PRTG: variants seen among roughly 807,000 people sequenced by gnomAD.
The protein encoded by PRTG is protogenin, also known as immunoglobulin superfamily, DCC subclass, member 5.
Under a neutral mutation model 122.5 loss-of-function variants are expected in PRTG, and 67 were observed. That is an observed-to-expected ratio of 0.55 (90% CI 0.45 to 0.67). The LOEUF (loss-of-function observed/expected upper bound fraction) is 0.67. Ranked by LOEUF, PRTG falls within the 30% of genes least tolerant of loss-of-function variation. PRTG has a pLI of 0.00. For synonymous variants in PRTG, 554 were observed against 501.1 expected (o/e 1.11, Z -1.41); for missense variants, 1,435 against 1,415.4 (o/e 1.01, Z -0.22).
chr15:55,701,233 T>C (rs2141840835), intron 2 of PRTG, among the ~76,000 whole-genome samples: 1 of 152,192 alleles, frequency 6.6e-6, no homozygotes, highest in South Asian at 2.1e-4. Flanking sequence ...AACACATACT[T>C]GCTATAAGAC....
intron 2 of PRTG, among the ~76,000 whole-genome samples, chr15:55,708,207 G>A (rs1300327921): frequency 1.4e-5 from 2 of 144,888 alleles, no homozygotes; most frequent in Non-Finnish European, 3.0e-5. Flanking sequence ...GAGAAAGGCG[G>A]GAAAGAGAAA....
intron 15 of PRTG, 138 bp downstream of exon 15, chr15:55,637,032 T>C (rs2141730207): frequency 1.4e-6 from 1 of 717,868 alleles, no homozygotes; most frequent in Non-Finnish European, 2.1e-6. Context: ...CCGATGCCCT[T>C]TGAACAAAGC....
intron 11 of PRTG, among the ~76,000 whole-genome samples, chr15:55,658,722 G>A (rs1244137009): frequency 6.6e-6 from 1 of 152,134 alleles, no homozygotes; most frequent in Non-Finnish European, 1.5e-5. Flanking sequence ...ATTACCCCTA[G>A]AAAAGTTGTA....
intron 2 of PRTG, among the ~76,000 whole-genome samples, chr15:55,705,194 A>C (rs1216109176): frequency 1.3e-5 from 2 of 152,198 alleles, no homozygotes; most frequent in African/African-American, 4.8e-5. Flanking sequence ...CCCTAGAGAC[A>C]AAACATCCAC....
chr15:55,612,697 A>ATATATATATATAT lies in PRTG; in HGVS notation c.*7314_*7315insATATATATATATA, dbSNP rs2059125551. ...TTCTCTCTTTAACTCTTTAAAAGCCAATATATATATATATATATATATATA... is the reference window on the plus strand; with the variant it reads ...TTCTCTCTTTAACTCTTTAAAAGCCATATATATATATATATATATATATATATATATATATATA... On this transcript the variant is annotated 3_prime_UTR_variant, in exon 20 of 20. Transcript: ENST00000389286. The ATATATATATATAT allele has an allele frequency of 7.5e-5, 9 of 120,744 alleles. 1 individual carries two copies. Among genetic ancestry groups the ATATATATATATAT allele is most frequent in the African/African-American group, 3.7e-4 (8 of 21,348 alleles). 7.5% of individuals were successfully genotyped at this position (120,744 alleles called of 1,614,324 possible).
Position 55,627,111 on chromosome 15 carries a change from G to A in PRTG, c.2824C>T (p.His942Tyr). ...CCAGTCATTGATTTTTGGTCCAGAT[G>A]GTAATATCCTGAATAAACTAGAAGG... Reference protein sequence around the residue: ...ADAKVYSGYYHLDQKSMTGIA... With the variant: ...ADAKVYSGYYYLDQKSMTGIA... The change falls in exon 17 of 20, where the codon CAT becomes TAT. Residue 942 changes from histidine (H) to tyrosine (Y), a missense_variant. Coordinates refer to ENST00000389286, the MANE Select transcript of PRTG (RefSeq NM_173814.6). 4.4e-6 allele frequency: 7 copies of A among 1,598,898 alleles called. No homozygotes were observed. Among genetic ancestry groups the A allele is most frequent in the Non-Finnish European group, 6.0e-6 (7 of 1,168,242 alleles).
chr15:55,635,333 G>A lies in PRTG; in HGVS notation c.2623+1837C>T, dbSNP rs1049156781. Reference sequence around the variant, plus strand: ...TCTTGAACTTCTGACCTCGTGATCCGTCTGCCTCAGCCTCCCAAAGTGCTG... The same window carrying A: ...TCTTGAACTTCTGACCTCGTGATCCATCTGCCTCAGCCTCCCAAAGTGCTG... On this transcript the variant is annotated intron_variant, in intron 15 of 19. Coordinates refer to ENST00000389286, the MANE Select transcript of PRTG (RefSeq NM_173814.6). Among the ~76,000 whole-genome samples the A allele has an allele frequency of 3.3e-5, 5 of 152,018 alleles. 1 individual carries two copies. Among genetic ancestry groups the A allele is most frequent in the Admixed American group, 6.6e-5 (1 of 15,242 alleles).
chr15:55,734,061 G>C (rs1262201252), intron 2 of PRTG, among the ~76,000 whole-genome samples: 15 of 152,164 alleles, frequency 9.9e-5, no homozygotes, highest in African/African-American at 3.6e-4. Context: ...GTCACAACTG[G>C]AAGAGAGTCT....
At position 55,680,593 on chromosome 15, in the gene PRTG, TA is replaced by T; in HGVS notation, c.711del (p.Ile238Ter). The T allele has an allele frequency of 1.3e-6, 2 of 1,574,554 alleles. No homozygotes were observed. The highest frequency in any genetic ancestry group is 1.7e-6 in the Non-Finnish European group (2 of 1,158,564). On this transcript the variant is annotated frameshift_variant, in exon 5 of 20. Coordinates refer to ENST00000389286, the MANE Select transcript of PRTG (RefSeq NM_173814.6). LOFTEE classifies it high-confidence loss of function. The part of the protein sequence containing the change: ...KESKSFHTPT[I>X]IAGPQNITTS... ...GTTGTTATGTTCTGTGGACCTGCTA[TA>T]ATTGTTGGTGTGTGGAAGGATTTTG...
At chr15:55,739,263 A>AT (rs754596379) in intron 2 of PRTG, among the ~76,000 whole-genome samples, 17,817 of 143,430 alleles carry the variant, frequency 0.12, 1,317 homozygotes, top group East Asian at 0.34. Flanking sequence ...GTGGTTTTGT[A>AT]TTTTTTTTTT....
Position 55,683,817 on chromosome 15 carries a change from T to C in PRTG, c.512A>G (p.Asn171Ser), listed in dbSNP as rs151321413. The C allele has an allele frequency of 1.2e-4, 190 of 1,613,898 alleles. 4 individuals carry two copies. The Middle Eastern group carries it at 3.8e-3, about 32-fold the overall frequency. ...CATAGTCATAGGTAGAGTTGTCCGA[T>C]TGAACTCCCATGTTATGACTGCAGG... ...HPPAVITWEF[N>S]RTTLPMTMDR... is the part of the protein sequence containing the mutation. Residue 171 changes from asparagine to serine, a missense_variant, in exon 3 of 20, where the codon AAT (asparagine) becomes AGT (serine). Physicochemically the swap from Asn to Ser is conservative, Grantham distance 46. Coordinates refer to ENST00000389286, the MANE Select transcript of PRTG (RefSeq NM_173814.6).
chr15:55,669,579 G>C (rs977713724), intron 11 of PRTG, among the ~76,000 whole-genome samples: 1 of 152,182 alleles, frequency 6.6e-6, no homozygotes, highest in African/African-American at 2.4e-5. Flanking sequence ...AAACGTATTT[G>C]ACTGCTACAA....
intron 3 of PRTG, among the ~76,000 whole-genome samples, chr15:55,683,485 G>C (rs2059552832): frequency 6.6e-6 from 1 of 152,140 alleles, no homozygotes; most frequent in Non-Finnish European, 1.5e-5. Context: ...AGCAATGAGA[G>C]TGTAATCTGG....
chr15:55,691,536 C>T (rs1245866306), intron 2 of PRTG, among the ~76,000 whole-genome samples: 1 of 151,596 alleles, frequency 6.6e-6, no homozygotes, highest in East Asian at 2.0e-4. Flanking sequence ...CAAAAATTAG[C>T]CGGGCATGGT....
intron 11 of PRTG, among the ~76,000 whole-genome samples, chr15:55,653,329 A>C (rs187708789): frequency 2.6e-5 from 4 of 152,260 alleles, no homozygotes; most frequent in Non-Finnish European, 5.9e-5. Context: ...TCTTAAGACA[A>C]ATAACACCTC....
In PRTG at chr15:55,624,481, T is replaced by C; in HGVS notation, c.2954A>G (p.Gln985Arg). Residue 985 changes from glutamine (Q) to arginine (R), a missense_variant, in exon 18 of 20, where the codon CAG (glutamine) becomes CGG (arginine). Transcript: ENST00000389286. ...ACGAGGTAACTGTTGAGTTCCATTCTGTGCCGTCTTGGAAGCAGATGATTT... is the reference window on the plus strand; with the variant it reads ...ACGAGGTAACTGTTGAGTTCCATTCCGTGCCGTCTTGGAAGCAGATGATTT... ...ARKSSASKTA[Q>R]NGTQQLPRTS... 1 of 1,612,524 alleles carries C rather than the reference T, an allele frequency of 6.2e-7. No individual in the cohort carries two copies. Among genetic ancestry groups the C allele is most frequent in the African/African-American group, 1.3e-5 (1 of 75,032 alleles).
chr15:55,642,748 A>G (rs981666869), intron 11 of PRTG, among the ~76,000 whole-genome samples: 1 of 152,204 alleles, frequency 6.6e-6, no homozygotes, highest in Non-Finnish European at 1.5e-5. Flanking sequence ...AACGACGTGA[A>G]ATTAAAGGTT....
chr15:55,692,501 T>C (rs1175618599), intron 2 of PRTG, among the ~76,000 whole-genome samples: 6 of 152,074 alleles, frequency 3.9e-5, no homozygotes, highest in South Asian at 2.1e-4. Flanking sequence ...AATCAGAACA[T>C]AGGAAGAGAG....
intron 2 of PRTG, among the ~76,000 whole-genome samples, chr15:55,728,636 A>C (rs2031123280): frequency 2.0e-5 from 3 of 152,226 alleles, no homozygotes; most frequent in African/African-American, 7.2e-5. Context: ...AAAAAGCCTC[A>C]CAATATCATA....
Sources: gnomAD v4.1 joint callset for allele counts (sites outside exome capture counted in the v4.1 genomes callset) on GRCh38, gnomAD v4.1.1 for gene constraint, MANE v1.5 for transcripts, NCBI Gene and HGNC (gene_info 2026-07-23, HGNC 2026-07-21) for gene names.